The following SEC24D variants were observed in gnomAD, a reference collection of about 807,000 sequenced individuals.
SEC24D encodes the protein protein transport protein Sec24D.
A neutral mutation model predicts 116.9 loss-of-function variants in SEC24D; 69 were observed. That is an observed-to-expected ratio of 0.59 (90% CI 0.49 to 0.72). SEC24D has a LOEUF of 0.72. Ranked by LOEUF, SEC24D falls within the 30% of genes least tolerant of loss-of-function variation. The pLI, the probability that SEC24D is intolerant of heterozygous loss-of-function variation, is 0.00. For missense variants in SEC24D, 1,131 were observed against 1,264.1 expected (o/e 0.89, Z 1.60); for synonymous variants, 405 against 442.8 (o/e 0.91, Z 1.07).
At chr4:118,733,907 GC>G (rs1430074191) in intron 19 of SEC24D, among the ~76,000 whole-genome samples, 4 of 151,436 alleles carry the variant, frequency 2.6e-5, no homozygotes, top group African/African-American at 9.7e-5. Context: ...CATTCTAACT[GC>G]CCCAAAGTAC....
intron 8 of SEC24D, among the ~76,000 whole-genome samples, chr4:118,769,038 T>C (rs1727775098): frequency 6.6e-6 from 1 of 152,222 alleles, no homozygotes; most frequent in Non-Finnish European, 1.5e-5. Context: ...AAAGTTCTAG[T>C]TTGCATAGCA....
rs1242678900 is a variant in SEC24D at position 118,789,819 on chromosome 4, C to T, written c.1041+7864G>A. Reference sequence around the variant, plus strand: ...CAGGATGGTCTTGATCTCCTGACCTCGTGATCCACCCACCTTGGCCTCCCA... The same window carrying T: ...CAGGATGGTCTTGATCTCCTGACCTTGTGATCCACCCACCTTGGCCTCCCA... On this transcript the variant is annotated intron_variant, in intron 8 of 22. Coordinates refer to ENST00000280551, the MANE Select transcript of SEC24D (RefSeq NM_014822.4). 2.6e-5 allele frequency among the ~76,000 whole-genome samples: 4 copies of T among 152,260 alleles called. No homozygotes were observed. In the Middle Eastern group the frequency reaches 0.01, roughly 388 times the overall value.
At position 118,817,896 on chromosome 4, in the gene SEC24D, A is replaced by G. The variant is rs144714701; in HGVS notation, c.249-484T>C. On this transcript the variant is annotated intron_variant, in intron 3 of 22. Transcript: ENST00000280551. ...CTCTACAAAAAATAAAACAAAATAA[A>G]ATAAAAAATTAGCCAGGAGTGGTGG... Among the ~76,000 whole-genome samples, 614 of 152,194 alleles carry G rather than the reference A, an allele frequency of 4.0e-3. 4 individuals carry two copies. Among genetic ancestry groups the G allele is most frequent in the African/African-American group, 0.014 (574 of 41,524 alleles).
At position 118,739,292 on chromosome 4, in the gene SEC24D, A is replaced by G; in HGVS notation, c.2239-5T>C. ...TGTCGTGTAAAGCACAGCACACTGT[A>G]GAAGCAACATTGAGGTCACATGTTT... On this transcript the variant is annotated splice_region_variant and splice_polypyrimidine_tract_variant and intron_variant, in intron 17 of 22. Transcript: ENST00000280551. The G allele has an allele frequency of 6.2e-7, 1 of 1,609,070 alleles. No homozygotes were observed. Among genetic ancestry groups the G allele is most frequent in the South Asian group, 1.1e-5 (1 of 90,426 alleles).
At position 118,736,254 on chromosome 4, in the gene SEC24D, C is replaced by T. The variant is rs184588229; in HGVS notation, c.2496+2007G>A. Reference sequence around the variant, plus strand: ...TCCTGACCTCAAGTGATCCACCTGCCTTGGCCTCTCAAAGGGCTGGGATTA... The same window carrying T: ...TCCTGACCTCAAGTGATCCACCTGCTTTGGCCTCTCAAAGGGCTGGGATTA... On this transcript the variant is annotated intron_variant, in intron 19 of 22. Transcript: ENST00000280551. The T allele has an allele frequency of 2.7e-3, 417 of 152,968 alleles. 1 individual carries two copies. The highest frequency in any genetic ancestry group is 4.3e-3 in the Non-Finnish European group (297 of 68,554). 9.5% of individuals were successfully genotyped at this position (152,968 alleles called of 1,614,324 possible). A position where few individuals can be genotyped will look rare whatever the true frequency, so the allele number is the denominator to read the frequency against.
chr4:118,770,076 G>A (rs1727826200), intron 8 of SEC24D, among the ~76,000 whole-genome samples: 1 of 152,146 alleles, frequency 6.6e-6, no homozygotes, highest in Non-Finnish European at 1.5e-5. Context: ...AAATGATCTA[G>A]AAGACAGAGA....
intron 7 of SEC24D, among the ~76,000 whole-genome samples, chr4:118,804,882 G>A (rs1311801857): frequency 2.2e-5 from 2 of 90,176 alleles, no homozygotes; most frequent in Non-Finnish European, 4.6e-5. Context: ...GTGTATGCAT[G>A]CATACACACA....
intron 3 of SEC24D, among the ~76,000 whole-genome samples, chr4:118,820,572 A>ACCTG (rs1730358315): frequency 6.6e-6 from 1 of 151,992 alleles, no homozygotes; most frequent in Non-Finnish European, 1.5e-5. Context: ...TAGTGTAGAA[A>ACCTG]CCTGGTGTGT....
chr4:118,765,408 G>A (rs1727597886), intron 9 of SEC24D, among the ~76,000 whole-genome samples: 1 of 152,200 alleles, frequency 6.6e-6, no homozygotes. Context: ...CTTAAGAGTG[G>A]AGAGGATTAC....
At chr4:118,746,310 G>A (rs188650140) in intron 13 of SEC24D, among the ~76,000 whole-genome samples, 25 of 151,872 alleles carry the variant, frequency 1.6e-4, no homozygotes, top group African/African-American at 5.8e-4. Flanking sequence ...CTGGGTGGGA[G>A]CAGGAAGGGT....
chr4:118,738,612 C>T (rs1726083692), intron 18 of SEC24D, among the ~76,000 whole-genome samples: 1 of 152,228 alleles, frequency 6.6e-6, no homozygotes, highest in Admixed American at 6.5e-5. Context: ...GCCAGATTTA[C>T]CTTCAGAATA....
In SEC24D at chr4:118,728,361, G is replaced by C. The variant is rs557183744; in HGVS notation, c.2958+200C>G. Among the ~76,000 whole-genome samples the C allele has an allele frequency of 4.8e-4, 73 of 152,190 alleles. 1 individual carries two copies. Among genetic ancestry groups the C allele is most frequent in the African/African-American group, 1.8e-3 (73 of 41,548 alleles). ...ACCCCATAGTTAACCCATGGTAATA[G>C]CCATTTATGTTTGTGACTGGTAAGT... is the stretch of plus-strand genomic sequence containing the variant. On this transcript the variant is annotated intron_variant, in intron 22 of 22. Coordinates refer to ENST00000280551, the MANE Select transcript of SEC24D (RefSeq NM_014822.4).
chr4:118,731,168 T>C (rs574198412), intron 21 of SEC24D, 148 bp downstream of exon 21: 163 of 684,844 alleles, frequency 2.4e-4, no homozygotes, highest in Non-Finnish European at 3.8e-4. Flanking sequence ...CTAATTGATA[T>C]TGATCAAAAC....
intron 13 of SEC24D, among the ~76,000 whole-genome samples, chr4:118,748,304 GA>G (rs539358519): frequency 1.7e-4 from 26 of 149,670 alleles, no homozygotes; most frequent in South Asian, 4.2e-4. Flanking sequence ...AACTCTGAGG[GA>G]AAAAAAAATC....
intron 7 of SEC24D, among the ~76,000 whole-genome samples, chr4:118,801,763 G>A (rs753900379): frequency 3.9e-5 from 6 of 152,218 alleles, no homozygotes; most frequent in South Asian, 2.1e-4. Flanking sequence ...CAAATGCTTC[G>A]TATAGGAAGA....
intron 8 of SEC24D, 79 bp downstream of exon 8, chr4:118,797,601 GAAT>G: frequency 9.5e-7 from 1 of 1,050,066 alleles, no homozygotes; most frequent in East Asian, 2.7e-5. Context: ...TTATATTATA[GAAT>G]AATGTATAAG....
At chr4:118,723,893 C>T (rs564582532) in intron 22 of SEC24D, among the ~76,000 whole-genome samples, 16 of 152,088 alleles carry the variant, frequency 1.1e-4, no homozygotes, top group Middle Eastern at 3.4e-3. Flanking sequence ...CAGAGTGTTA[C>T]GGGAAAGGCT....
chr4:118,826,606 C>CT (rs199828904), intron 2 of SEC24D, among the ~76,000 whole-genome samples: 2,701 of 146,914 alleles, frequency 0.018, 34 homozygotes, highest in African/African-American at 0.03. Flanking sequence ...CGAAAATATT[C>CT]TTTTTTTTTT....
chr4:118,783,248 G>C (rs1037426909), intron 8 of SEC24D, among the ~76,000 whole-genome samples: 15 of 152,184 alleles, frequency 9.9e-5, no homozygotes, highest in African/African-American at 3.6e-4. Flanking sequence ...ACAGACCCCT[G>C]AGGGTCTGAA....
Sources: allele counts gnomAD v4.1 joint callset (sites outside exome capture counted in the v4.1 genomes callset), GRCh38; gene constraint gnomAD v4.1.1; transcripts MANE v1.5; gene names NCBI Gene and HGNC (gene_info 2026-07-23, HGNC 2026-07-21).